The following PMPCB variants were observed in gnomAD, a reference collection of about 807,000 sequenced individuals.
PMPCB encodes peptidase, mitochondrial processing subunit beta.
Under a neutral mutation model 61.5 loss-of-function variants are expected in PMPCB, and 46 were observed. That is an observed-to-expected ratio of 0.75 (90% CI 0.59 to 0.96). The LOEUF is 0.96. Ranked by LOEUF, PMPCB falls within the 40% of genes least tolerant of loss-of-function variation. PMPCB has a pLI of 0.00. For missense variants in PMPCB, 590 were observed against 602.4 expected (o/e 0.98, Z 0.22); for synonymous variants, 191 against 201.6 (o/e 0.95, Z 0.44).
Position 103,313,207 on chromosome 7 carries a change from T to A in PMPCB, c.*936T>A, listed in dbSNP as rs1586056798. 15 of 1,473,988 alleles carry A rather than the reference T, an allele frequency of 1.0e-5. No individual in the cohort carries two copies. The East Asian group carries it at 3.5e-4, about 34-fold the overall frequency. The allele number at this position is 1,473,988 out of a possible 1,614,324, so 91.3% of individuals were successfully genotyped here. On this transcript the variant is annotated 3_prime_UTR_variant, in exon 13 of 13. Coordinates refer to ENST00000249269, the MANE Select transcript of PMPCB (RefSeq NM_004279.3). ...AGTGCCCATTTCAATCTGGGATGTG[T>A]CATTTTGAAAATAAACTTGTAGAGA...
At chr7:103,337,609 A>T in the PMPCB span, 1 of 729,578 alleles carries the variant, frequency 1.4e-6, no homozygotes, top group Non-Finnish European at 2.2e-6. Context: ...GCTTGTTATG[A>T]CAATATAACA....
At chr7:103,340,101 G>T in the PMPCB span, among the ~76,000 whole-genome samples, 1 of 152,206 alleles carries the variant, frequency 6.6e-6, no homozygotes, top group Non-Finnish European at 1.5e-5. Context: ...GCCTCCCAAA[G>T]TGCTGGGATT....
At chr7:103,337,455 A>AT in the PMPCB span, 1 of 296,054 alleles carries the variant, frequency 3.4e-6, no homozygotes, top group South Asian at 7.5e-5. Context: ...GTGAAGTATT[A>AT]TTTTTTAAAA....
At chr7:103,303,111 T>C (rs1817492136) in intron 4 of PMPCB, among the ~76,000 whole-genome samples, 1 of 152,200 alleles carries the variant, frequency 6.6e-6, no homozygotes, top group Non-Finnish European at 1.5e-5. Flanking sequence ...AATTCTGTGA[T>C]TCATTTGGGG....
At chr7:103,309,281 G>A in intron 8 of PMPCB, 186 bp downstream of exon 8, 1 of 454,994 alleles carries the variant, frequency 2.2e-6, no homozygotes, top group Non-Finnish European at 3.7e-6. Context: ...TTTTTTCTTT[G>A]CCACAAAGTT....
chr7:103,316,937 T>C (rs61762984), downstream of PMPCB: 14,831 of 1,614,034 alleles, frequency 9.2e-3, 121 homozygotes, highest in Non-Finnish European at 0.01. Context: ...TTGATTTCTC[T>C]GTGTTCTTAG....
At chr7:103,347,164 G>C in the PMPCB span, among the ~76,000 whole-genome samples, 2 of 152,108 alleles carry the variant, frequency 1.3e-5, no homozygotes, top group East Asian at 3.9e-4. Flanking sequence ...CACATGCAAG[G>C]GTTGGCTGGA....
the PMPCB span, among the ~76,000 whole-genome samples, chr7:103,343,086 G>A: frequency 1.3e-5 from 2 of 151,552 alleles, no homozygotes; most frequent in Admixed American, 6.6e-5. Flanking sequence ...TGCAACCTCC[G>A]CCTCCCGGGT....
At position 103,322,653 on chromosome 7, in the gene PMPCB, T is replaced by C. The variant is rs770751109; in HGVS notation, c.*1432-6278T>C. 8.7e-6 allele frequency: 14 copies of C among 1,612,994 alleles called. No homozygotes were observed. In the African/African-American group the frequency reaches 9.4e-5, roughly 11 times the overall value. On this transcript the variant is annotated intron_variant and NMD_transcript_variant, in intron 12 of 12. Transcript: ENST00000444457. ...ATTGTCTAGCAAAAGAAAAAGTTAATCTCATTTTGAATTTCTAACATTTAG... is the reference window on the plus strand; with the variant it reads ...ATTGTCTAGCAAAAGAAAAAGTTAACCTCATTTTGAATTTCTAACATTTAG...
chr7:103,344,731 T>C, the PMPCB span: 5 of 1,170,396 alleles, frequency 4.3e-6, no homozygotes, highest in Non-Finnish European at 5.0e-6. Context: ...GCCTTGGCTC[T>C]AAGACGCCCA....
chr7:103,299,493 T>C lies in PMPCB; in HGVS notation c.291T>C (p.Asn97=), dbSNP rs2115614056. The part of the protein sequence containing the change: ...AGSRYENEKN[N]GTAHFLEHMA... Reference sequence around the variant, plus strand: ...GTAGATACGAAAATGAGAAGAACAATGGAACAGCACACTTTCTGGAGCATA... The same window carrying C: ...GTAGATACGAAAATGAGAAGAACAACGGAACAGCACACTTTCTGGAGCATA... The change falls in exon 3 of 13, where the codon AAT becomes AAC. Residue 97 remains asparagine (N), a synonymous_variant. Transcript: ENST00000249269. The C allele has an allele frequency of 6.2e-7, 1 of 1,613,120 alleles. No homozygotes were observed. The highest frequency in any genetic ancestry group is 1.1e-5 in the South Asian group (1 of 91,006).
intron 2 of PMPCB, 144 bp from the exon 3 acceptor site, chr7:103,299,299 A>C: frequency 1.7e-6 from 1 of 587,036 alleles, no homozygotes; most frequent in South Asian, 2.2e-5. Flanking sequence ...CATAGTTCAC[A>C]GGAATGAACT....
At chr7:103,323,015 T>TAC (rs1818504149) in intron 12 of PMPCB, among the ~76,000 whole-genome samples, 2 of 152,082 alleles carry the variant, frequency 1.3e-5, no homozygotes, top group Non-Finnish European at 2.9e-5. Context: ...TTGCAACCTC[T>TAC]GCCTCCCAGG....
At position 103,299,581 on chromosome 7, in the gene PMPCB, C is replaced by T. The variant is rs745598047; in HGVS notation, c.327+52C>T. On this transcript the variant is annotated intron_variant, in intron 3 of 12. Coordinates refer to ENST00000249269, the MANE Select transcript of PMPCB (RefSeq NM_004279.3). ...CACTCTCTTTAAGAGATAATAAGCA[C>T]AAAGTCTCATTCTTTAGAGGCAGGG... The T allele has an allele frequency of 3.8e-5, 39 of 1,038,880 alleles. No individual in the cohort carries two copies. In the South Asian group the frequency reaches 5.3e-4, roughly 14 times the overall value. 64.4% of individuals were successfully genotyped at this position (1,038,880 alleles called of 1,614,324 possible). A position where few individuals can be genotyped will look rare whatever the true frequency, so the allele number is the denominator to read the frequency against.
At chr7:103,327,388 T>C (rs2115946283) in intron 12 of PMPCB, 1 of 1,176,708 alleles carries the variant, frequency 8.5e-7, no homozygotes, top group East Asian at 4.0e-5. Flanking sequence ...CCTGTTAAAA[T>C]GCAGATTTTA....
Position 103,313,380 on chromosome 7 carries a change from A to G in PMPCB, c.*1109A>G. On this transcript the variant is annotated 3_prime_UTR_variant, in exon 13 of 13. Coordinates refer to ENST00000249269, the MANE Select transcript of PMPCB (RefSeq NM_004279.3). ...TATCTCTTAAAAATCAATGTAATAC[A>G]CTCACCAGACTGGTAAAAAGCCATA... 9.0e-7 allele frequency: 1 copy of G among 1,105,136 alleles called. No individual in the cohort carries two copies. Among genetic ancestry groups the G allele is most frequent in the East Asian group, 5.4e-5 (1 of 18,540 alleles). The allele number at this position is 1,105,136 out of a possible 1,614,324, so 68.5% of individuals were successfully genotyped here. A position where few individuals can be genotyped will look rare whatever the true frequency, so the allele number is the denominator to read the frequency against.
chr7:103,310,967 G>C (rs995387704), intron 9 of PMPCB: 2 of 152,364 alleles, frequency 1.3e-5, no homozygotes, highest in Admixed American at 1.3e-4. Context: ...GATTACAGGC[G>C]TGAGCCACCA....
downstream of PMPCB, among the ~76,000 whole-genome samples, chr7:103,330,007 T>C (rs1292557266): frequency 6.6e-6 from 1 of 152,198 alleles, no homozygotes; most frequent in Non-Finnish European, 1.5e-5. Flanking sequence ...GTAATAGCAT[T>C]AATGCCACAT....
At chr7:103,322,094 GGA>G in intron 12 of PMPCB, 1 of 1,589,976 alleles carries the variant, frequency 6.3e-7, no homozygotes, top group Non-Finnish European at 8.6e-7. Flanking sequence ...TTAAAAAAAG[GGA>G]GTAAAATCAT....
Sources: gnomAD v4.1 joint callset for allele counts (sites outside exome capture counted in the v4.1 genomes callset) on GRCh38, gnomAD v4.1.1 for gene constraint, MANE v1.5 for transcripts, NCBI Gene and HGNC (gene_info 2026-07-23, HGNC 2026-07-21) for gene names.